Variants in FBLN1 observed in about 807,000 individuals in gnomAD.
FBLN1 encodes fibulin 1, also known as fibulin-1.
In FBLN1, 34 loss-of-function variants were observed where a neutral mutation model predicts 89.7. The observed-to-expected ratio is 0.38, with a 90% CI of 0.29 to 0.50. The LOEUF (loss-of-function observed/expected upper bound fraction) is 0.50, where lower values mean the gene tolerates loss of function less well. Ranked by LOEUF, FBLN1 falls within the 20% of genes least tolerant of loss-of-function variation. The pLI is 0.92. For synonymous variants in FBLN1, 393 were observed against 391.3 expected, an observed-to-expected ratio of 1.00 and a Z score of -0.05; for missense variants, 777 against 988.1, an observed-to-expected ratio of 0.79 and a Z score of 2.86.
chr22:45,594,790 GT>G (rs1376114181), intron 16 of FBLN1, among the ~76,000 whole-genome samples: 4 of 151,738 alleles, frequency 2.6e-5, no homozygotes, highest in Admixed American at 1.3e-4. Context: ...GGGTTGATGG[GT>G]GGGTGAATGG....
At position 45,532,844 on chromosome 22, in the gene FBLN1, C is replaced by T. The variant is rs187003135; in HGVS notation, c.545-219C>T. 1.0e-4 allele frequency: 60 copies of T among 602,526 alleles called. No individual in the cohort carries two copies. Among genetic ancestry groups the T allele is most frequent in the Admixed American group, 1.1e-4 (4 of 35,748 alleles). 37.3% of individuals were successfully genotyped at this position (602,526 alleles called of 1,614,324 possible). A position where few individuals can be genotyped will look rare whatever the true frequency, so the allele number is the denominator to read the frequency against. On this transcript the variant is annotated intron_variant, in intron 5 of 16. Transcript: ENST00000327858. This position sits in a 1 kb window ranked among gnomAD's most constrained non-coding sequence, Gnocchi z 4.2. ...CCTGCACACCACCTGATTTTCCAGA[C>T]GGGGAGGTTGGGACCTGAAGCAGCA...
Position 45,576,101 on chromosome 22 carries a change from C to T in FBLN1, c.1841-876C>T, listed in dbSNP as rs781346959. ...TTGCCCAAGGAGCCGTCCCCAGTCCCAGTCCCCCTAGGTTTGCTCCTCCCG... is the reference window on the plus strand; with the variant it reads ...TTGCCCAAGGAGCCGTCCCCAGTCCTAGTCCCCCTAGGTTTGCTCCTCCCG... On this transcript the variant is annotated intron_variant, in intron 15 of 16. Coordinates refer to ENST00000327858, the MANE Select transcript of FBLN1 (RefSeq NM_006486.3). This position sits in a 1 kb window ranked among gnomAD's most constrained non-coding sequence, Gnocchi z 5.2. Among the ~76,000 whole-genome samples, 1 of 152,224 alleles carries T rather than the reference C, an allele frequency of 6.6e-6. No individual in the cohort carries two copies. Among genetic ancestry groups the T allele is most frequent in the African/African-American group, 2.4e-5 (1 of 41,438 alleles).
intron 1 of FBLN1, among the ~76,000 whole-genome samples, chr22:45,503,684 C>T (rs536432241): frequency 6.6e-6 from 1 of 152,176 alleles, no homozygotes; most frequent in Non-Finnish European, 1.5e-5. Context: ...GCCACCTCCT[C>T]CCTGCCTCCC....
rs1379437249 is a variant in FBLN1 at position 45,542,097 on chromosome 22, TG to T, written c.1067-52del. On this transcript the variant is annotated intron_variant, in intron 9 of 16. Coordinates refer to ENST00000327858, the MANE Select transcript of FBLN1 (RefSeq NM_006486.3). ...TTCTTGCTTTCCTTTCTGATCATCT[TG>T]GGGGGAAAAAACCCAAACTAAAGGT... is the stretch of plus-strand genomic sequence containing the variant. The T allele has an allele frequency of 9.9e-6, 16 of 1,613,078 alleles. No individual in the cohort carries two copies. The East Asian group carries it at 2.7e-4, about 27-fold the overall frequency.
In FBLN1 at chr22:45,557,931, G is replaced by A. The variant is rs923689040; in HGVS notation, c.1697+7316G>A. Reference sequence around the variant, plus strand: ...CATTGCTTGAAGTTCTGCCCACTGGGAAGATTTCCCTTTGCCACTGTCCTT... The same window carrying A: ...CATTGCTTGAAGTTCTGCCCACTGGAAAGATTTCCCTTTGCCACTGTCCTT... On this transcript the variant is annotated intron_variant, in intron 14 of 16. Coordinates refer to ENST00000327858, the MANE Select transcript of FBLN1 (RefSeq NM_006486.3). The surrounding 1 kb of genome is among the most constrained non-coding windows in gnomAD (Gnocchi z 4.9). The A allele has an allele frequency of 9.9e-5, 63 of 634,620 alleles. No homozygotes were observed. Among genetic ancestry groups the A allele is most frequent in the South Asian group, 5.6e-4 (33 of 58,552 alleles). The allele number at this position is 634,620 out of a possible 1,614,324, so 39.3% of individuals were successfully genotyped here. A position where few individuals can be genotyped will look rare whatever the true frequency, so the allele number is the denominator to read the frequency against.
In FBLN1 at chr22:45,537,121, A is replaced by G. The variant is rs539479505; in HGVS notation, c.922+1784A>G. Among the ~76,000 whole-genome samples, 129 of 152,324 alleles carry G rather than the reference A, an allele frequency of 8.5e-4. No individual in the cohort carries two copies. Among genetic ancestry groups the G allele is most frequent in the African/African-American group, 2.7e-3 (113 of 41,574 alleles). On this transcript the variant is annotated intron_variant, in intron 8 of 16. Transcript: ENST00000327858. The surrounding 1 kb of genome is among the most constrained non-coding windows in gnomAD (Gnocchi z 5.7). ...GGAGAAGAGGTGAGGAATCCGAGCT[A>G]CAGATCACACTAGTCAGAACCTCCC...
rs1602209047 is a variant in FBLN1 at position 45,559,374 on chromosome 22, A to G, written c.1697+8759A>G. Among the ~76,000 whole-genome samples, 4 of 152,310 alleles carry G rather than the reference A, an allele frequency of 2.6e-5. No individual in the cohort carries two copies. In the Middle Eastern group the frequency reaches 0.014, roughly 518 times the overall value. On this transcript the variant is annotated intron_variant, in intron 14 of 16. Transcript: ENST00000327858. ...GTGGGAATCACCACCCCGCGTCTCA[A>G]GTTTTTGATGGTGACACTAATCTCT...
chr22:45,543,390 C>T lies in FBLN1; in HGVS notation c.1196-11C>T, dbSNP rs2088583113. On this transcript the variant is annotated splice_polypyrimidine_tract_variant and intron_variant, in intron 10 of 16. Coordinates refer to ENST00000327858, the MANE Select transcript of FBLN1 (RefSeq NM_006486.3). ...GACATTGCCCTGAGTCAGCCCACCC[C>T]TCACTTTCAGATGTCAACGAGTGCC... 6.2e-7 allele frequency: 1 copy of T among 1,611,566 alleles called. No individual in the cohort carries two copies. Among genetic ancestry groups the T allele is most frequent in the Non-Finnish European group, 8.5e-7 (1 of 1,179,950 alleles).
At position 45,527,956 on chromosome 22, in the gene FBLN1, G is replaced by T. The variant is rs1460667735; in HGVS notation, c.431G>T (p.Cys144Phe). 6.8e-6 allele frequency: 11 copies of T among 1,614,120 alleles called. No individual in the cohort carries two copies. Among genetic ancestry groups the T allele is most frequent in the Non-Finnish European group, 9.3e-6 (11 of 1,180,042 alleles). The change falls in exon 4 of 17, where the codon TGT becomes TTT. Residue 144 changes from cysteine (C) to phenylalanine (F), a missense_variant. Transcript: ENST00000327858. ...YQCGQVFQAC[C>F]VKSQETGDLD... ...TGTGGACAGGTCTTCCAGGCATGCTGTGTCAAGAGCCAGGAGACCGGAGAT... is the reference window on the plus strand; with the variant it reads ...TGTGGACAGGTCTTCCAGGCATGCTTTGTCAAGAGCCAGGAGACCGGAGAT...
Position 45,574,586 on chromosome 22 carries a change from C to T in FBLN1, c.1773C>T (p.Asp591=). The part of the protein sequence containing the change: ...CRPNDVTCVF[D]PVHTISHTVI... ...CCAACGATGTCACATGCGTGTTCGACCCCGTGCACACCATCTCCCACACCG... is the reference window on the plus strand; with the variant it reads ...CCAACGATGTCACATGCGTGTTCGATCCCGTGCACACCATCTCCCACACCG... Residue 591 remains aspartate (D), a synonymous_variant, in exon 15 of 17, where the codon GAC becomes GAT. Coordinates refer to ENST00000327858, the MANE Select transcript of FBLN1 (RefSeq NM_006486.3). This position sits in a 1 kb window ranked among gnomAD's most constrained non-coding sequence, Gnocchi z 4.1. 3 of 1,614,172 alleles carry T rather than the reference C, an allele frequency of 1.9e-6. No homozygotes were observed. Among genetic ancestry groups the T allele is most frequent in the Non-Finnish European group, 2.5e-6 (3 of 1,180,022 alleles).
chr22:45,598,584 C>G (rs74801953), intron 16 of FBLN1, among the ~76,000 whole-genome samples: 6,762 of 152,286 alleles, frequency 0.044, 493 homozygotes, highest in African/African-American at 0.15. Flanking sequence ...CCAGCCCTCC[C>G]CACCTCCATT....
chr22:45,575,520 C>G lies in FBLN1; in HGVS notation c.1840+867C>G, dbSNP rs766999290. On this transcript the variant is annotated intron_variant, in intron 15 of 16. Coordinates refer to ENST00000327858, the MANE Select transcript of FBLN1 (RefSeq NM_006486.3). This position sits in a 1 kb window ranked among gnomAD's most constrained non-coding sequence, Gnocchi z 6.3. ...AACCCCCAGGCTTTGGGGGAACCATCGGAAGGTTGCAGTGGAGGAGGTTTG... is the reference window on the plus strand; with the variant it reads ...AACCCCCAGGCTTTGGGGGAACCATGGGAAGGTTGCAGTGGAGGAGGTTTG... Among the ~76,000 whole-genome samples the G allele has an allele frequency of 6.6e-6, 1 of 152,098 alleles. No homozygotes were observed. Among genetic ancestry groups the G allele is most frequent in the Non-Finnish European group, 1.5e-5 (1 of 68,008 alleles).
At chr22:45,512,997 C>A (rs752564641) in intron 1 of FBLN1, among the ~76,000 whole-genome samples, 3 of 152,298 alleles carry the variant, frequency 2.0e-5, no homozygotes, top group South Asian at 2.1e-4. Flanking sequence ...CTATTTTTTA[C>A]TGAACATTTT....
chr22:45,525,014 G>A (rs1034191258), intron 2 of FBLN1, among the ~76,000 whole-genome samples: 3 of 151,898 alleles, frequency 2.0e-5, no homozygotes, highest in Admixed American at 6.6e-5. Context: ...AACCCGAGAC[G>A]CAGAGGCTGC....
rs1041877034 is a variant in FBLN1 at position 45,531,147 on chromosome 22, A to G, written c.485-118A>G. The G allele has an allele frequency of 1.2e-5, 10 of 828,522 alleles. No individual in the cohort carries two copies. The highest frequency in any genetic ancestry group is 2.1e-5 in the Non-Finnish European group (10 of 471,148). 51.3% of individuals were successfully genotyped at this position (828,522 alleles called of 1,614,324 possible). A position where few individuals can be genotyped will look rare whatever the true frequency, so the allele number is the denominator to read the frequency against. On this transcript the variant is annotated intron_variant, in intron 4 of 16. Coordinates refer to ENST00000327858, the MANE Select transcript of FBLN1 (RefSeq NM_006486.3). The surrounding 1 kb of genome is among the most constrained non-coding windows in gnomAD (Gnocchi z 4.9). Reference sequence around the variant, plus strand: ...AAAGTTAATACTTAGCTGTTTATATAAGATGTTCAAATGGGCATTACTGCC... The same window carrying G: ...AAAGTTAATACTTAGCTGTTTATATGAGATGTTCAAATGGGCATTACTGCC...
At chr22:45,560,199 C>A (rs2088835084) in intron 14 of FBLN1, among the ~76,000 whole-genome samples, 1 of 152,208 alleles carries the variant, frequency 6.6e-6, no homozygotes, top group South Asian at 2.1e-4. Context: ...TGAGTGCTGT[C>A]ACTTGGCCAC....
chr22:45,507,573 G>T (rs934308213), intron 1 of FBLN1, among the ~76,000 whole-genome samples: 8 of 152,174 alleles, frequency 5.3e-5, no homozygotes, highest in African/African-American at 1.7e-4. Context: ...TGCCGGCCAG[G>T]CTGGAGGGCA....
intron 3 of FBLN1, 122 bp downstream of exon 3, chr22:45,525,800 C>T: frequency 2.3e-6 from 3 of 1,321,806 alleles, no homozygotes; most frequent in Non-Finnish European, 3.2e-6. Flanking sequence ...TCTTTGTGAG[C>T]AGCTGGGGGT....
chr22:45,550,602 C>A lies in FBLN1; in HGVS notation c.1684C>A (p.Arg562Ser). Residue 562 changes from arginine (R) to serine (S), a missense_variant, in exon 14 of 17, where the codon CGC becomes AGC. Coordinates refer to ENST00000327858, the MANE Select transcript of FBLN1 (RefSeq NM_006486.3). The surrounding 1 kb of genome is among the most constrained non-coding windows in gnomAD (Gnocchi z 8.4). ...LAFECPENYR[R>S]SAATLQQEKT... ...CTTCGAGTGCCCTGAGAACTACCGC[C>A]GCTCCGCAGCCACGTAAGTCCCTTG... The A allele has an allele frequency of 5.0e-6, 8 of 1,614,116 alleles. No individual in the cohort carries two copies. The highest frequency in any genetic ancestry group is 6.8e-6 in the Non-Finnish European group (8 of 1,180,050).
Sources: gnomAD v4.1 joint callset for allele counts (sites outside exome capture counted in the v4.1 genomes callset) on GRCh38, gnomAD v4.1.1 for gene constraint, Gnocchi (gnomAD v3.1) non-coding constraint, MANE v1.5 for transcripts, NCBI Gene and HGNC (gene_info 2026-07-23, HGNC 2026-07-21) for gene names.